SCAPER: variants seen among roughly 807,000 people sequenced by gnomAD.
The protein encoded by SCAPER is S-phase cyclin A associated protein in the ER.
Under a neutral mutation model 182.2 loss-of-function variants are expected in SCAPER, and 98 were observed. That is an observed-to-expected ratio of 0.54 (90% CI 0.46 to 0.64). The LOEUF (loss-of-function observed/expected upper bound fraction) is 0.64, where lower values mean the gene tolerates loss of function less well. Among genes scored for constraint, SCAPER ranks in the 30% least tolerant of loss-of-function variants. The pLI, the probability that SCAPER is intolerant of heterozygous loss-of-function variation, is 0.00. For synonymous variants in SCAPER, 605 were observed against 564.6 expected (o/e 1.07, Z -1.01); for missense variants, 1,432 against 1,690.0 (o/e 0.85, Z 2.68).
intron 25 of SCAPER, among the ~76,000 whole-genome samples, chr15:76,456,168 C>G (rs911958282): frequency 2.0e-5 from 3 of 152,106 alleles, no homozygotes; most frequent in African/African-American, 7.2e-5. Context: ...GATTTATGAT[C>G]CTTGGGTTAT....
chr15:76,513,909 C>A (rs995135740), intron 23 of SCAPER, among the ~76,000 whole-genome samples: 1 of 152,198 alleles, frequency 6.6e-6, no homozygotes, highest in Non-Finnish European at 1.5e-5. Context: ...ATCCCCTCAA[C>A]TAAAATCAAA....
intron 22 of SCAPER, among the ~76,000 whole-genome samples, chr15:76,618,460 G>A (rs1340450229): frequency 1.3e-5 from 2 of 152,038 alleles, no homozygotes; most frequent in Non-Finnish European, 2.9e-5. Flanking sequence ...AAAAAAGGTT[G>A]CTATTTTACA....
At chr15:76,847,157 T>C (rs941421420) in intron 4 of SCAPER, among the ~76,000 whole-genome samples, 1 of 151,956 alleles carries the variant, frequency 6.6e-6, no homozygotes, top group Non-Finnish European at 1.5e-5. Flanking sequence ...TCAATTGCAC[T>C]CAGAGAAAAT....
intron 17 of SCAPER, among the ~76,000 whole-genome samples, chr15:76,721,165 C>A (rs551131415): frequency 6.6e-6 from 1 of 152,302 alleles, no homozygotes; most frequent in East Asian, 1.9e-4. Context: ...TTGCCCAGCA[C>A]CTTTTATTAA....
intron 20 of SCAPER, among the ~76,000 whole-genome samples, chr15:76,685,636 T>G (rs905522440): frequency 6.6e-6 from 1 of 152,124 alleles, no homozygotes; most frequent in East Asian, 1.9e-4. Context: ...AGATGTGAAT[T>G]ATTTCCCAAA....
At chr15:76,486,465 C>T (rs956362322) in intron 24 of SCAPER, among the ~76,000 whole-genome samples, 4 of 151,888 alleles carry the variant, frequency 2.6e-5, no homozygotes, top group African/African-American at 7.3e-5. Context: ...AACTATGTAA[C>T]CGAAAAGGTC....
intron 1 of SCAPER, among the ~76,000 whole-genome samples, chr15:76,902,202 G>A (rs28744566): frequency 0.022 from 3,336 of 152,300 alleles, 118 homozygotes; most frequent in African/African-American, 0.076. Context: ...GCAGCAACAC[G>A]GATAGAGCTG....
At chr15:76,843,022 C>T (rs1364488465) in intron 4 of SCAPER, among the ~76,000 whole-genome samples, 5 of 152,212 alleles carry the variant, frequency 3.3e-5, no homozygotes, top group African/African-American at 1.2e-4. Flanking sequence ...GGACTAGCAG[C>T]TTCCTGTGAA....
chr15:76,406,664 A>C (rs1468218111), intron 26 of SCAPER, among the ~76,000 whole-genome samples: 1 of 152,056 alleles, frequency 6.6e-6, no homozygotes, highest in Non-Finnish European at 1.5e-5. Context: ...AAACAAAATA[A>C]AAGAAAGTGT....
In SCAPER at chr15:76,765,578, G is replaced by T. The variant is rs1244607491; in HGVS notation, c.1480C>A (p.Leu494Ile). ...TACACAATACCTTCATAATCTGCAA[G>T]GACATCGTTCCAGTCCATGGACATA... Reference protein sequence around the residue: ...CGMSMDWNDVLADYEARESWR... With the variant: ...CGMSMDWNDVIADYEARESWR... The change falls in exon 12 of 32, where the codon CTT becomes ATT. Residue 494 changes from leucine (L) to isoleucine (I), a missense_variant. Physicochemically the swap from Leu to Ile is conservative, Grantham distance 5 (BLOSUM62 2). Coordinates refer to ENST00000563290, the MANE Select transcript of SCAPER (RefSeq NM_020843.4). 11 of 1,594,372 alleles carry T rather than the reference G, an allele frequency of 6.9e-6. No individual in the cohort carries two copies. The East Asian group carries it at 9.0e-5, about 13-fold the overall frequency.
chr15:76,405,088 A>G (rs910394131), intron 26 of SCAPER, among the ~76,000 whole-genome samples: 6 of 150,418 alleles, frequency 4.0e-5, no homozygotes, highest in Non-Finnish European at 4.4e-5. Flanking sequence ...TTCAACTCAG[A>G]CACTCTTGTT....
At chr15:76,641,206 G>C (rs966090088) in intron 21 of SCAPER, among the ~76,000 whole-genome samples, 2 of 152,150 alleles carry the variant, frequency 1.3e-5, no homozygotes, top group African/African-American at 4.8e-5. Context: ...GCTAATCATA[G>C]GTTATGGAAA....
At chr15:76,739,961 G>A (rs2061459264) in intron 15 of SCAPER, among the ~76,000 whole-genome samples, 1 of 152,196 alleles carries the variant, frequency 6.6e-6, no homozygotes, top group East Asian at 1.9e-4. Context: ...GTGACCAGGA[G>A]TTCGAGACCA....
intron 9 of SCAPER, among the ~76,000 whole-genome samples, chr15:76,773,267 AT>A (rs746766441): frequency 2.0e-5 from 3 of 151,924 alleles, no homozygotes; most frequent in Non-Finnish European, 4.4e-5. Context: ...AACAAATATC[AT>A]TAACTTGGCT....
chr15:76,626,758 G>A (rs1275260879), intron 21 of SCAPER, among the ~76,000 whole-genome samples: 1 of 152,194 alleles, frequency 6.6e-6, no homozygotes, highest in East Asian at 1.9e-4. Flanking sequence ...GGCAGAGTAA[G>A]TGACAGGTAA....
At chr15:76,552,718 G>A (rs1168245341) in intron 23 of SCAPER, among the ~76,000 whole-genome samples, 1 of 152,160 alleles carries the variant, frequency 6.6e-6, no homozygotes, top group African/African-American at 2.4e-5. Context: ...ATGCAGTGCA[G>A]CATGGCCAGG....
At chr15:76,804,955 T>A (rs1025095363) in intron 5 of SCAPER, among the ~76,000 whole-genome samples, 3 of 152,148 alleles carry the variant, frequency 2.0e-5, no homozygotes, top group Non-Finnish European at 2.9e-5. Context: ...ACACTTGTAG[T>A]CCCAGTCACT....
chr15:76,416,432 T>C (rs1031527186), intron 26 of SCAPER, among the ~76,000 whole-genome samples: 1 of 151,892 alleles, frequency 6.6e-6, no homozygotes. Context: ...GAGGTTGCAG[T>C]GAGCTGGGAT....
At chr15:76,876,294 C>T (rs1157509017) in intron 2 of SCAPER, among the ~76,000 whole-genome samples, 1 of 152,158 alleles carries the variant, frequency 6.6e-6, no homozygotes, top group Non-Finnish European at 1.5e-5. Context: ...ACTCCCCGAG[C>T]ATGGCCAGAG....
Sources: allele counts gnomAD v4.1 joint callset (sites outside exome capture counted in the v4.1 genomes callset), GRCh38; gene constraint gnomAD v4.1.1; transcripts MANE v1.5; gene names NCBI Gene and HGNC (gene_info 2026-07-23, HGNC 2026-07-21).